The following PCDHA1 variants were observed in gnomAD, a reference collection of about 807,000 sequenced individuals.
PCDHA1 encodes protocadherin alpha 1.
In PCDHA1, 42 loss-of-function variants were observed where a neutral mutation model predicts 61.3. The ratio of observed to expected loss-of-function variants is 0.69; its 90% CI spans 0.54 to 0.89. The LOEUF (loss-of-function observed/expected upper bound fraction) is 0.89, where lower values mean the gene tolerates loss of function less well. Ranked by LOEUF, PCDHA1 falls within the 40% of genes least tolerant of loss-of-function variation. The pLI is 0.00. For missense variants in PCDHA1, 1,256 were observed against 1,235.3 expected (o/e 1.02, Z -0.25); for synonymous variants, 610 against 553.8 (o/e 1.10, Z -1.43).
intron 1 of PCDHA1, among the ~76,000 whole-genome samples, chr5:140,952,097 G>A (rs1385693579): frequency 1.3e-5 from 2 of 152,066 alleles, no homozygotes; most frequent in East Asian, 3.9e-4. Context: ...CACATCCAGG[G>A]CACACTCGTG....
At position 141,011,939 on chromosome 5, in the gene PCDHA1, A is replaced by T. The variant is rs955936849; in HGVS notation, c.*2002A>T. 5 of 153,690 alleles carry T rather than the reference A, an allele frequency of 3.3e-5. No individual in the cohort carries two copies. The highest frequency in any genetic ancestry group is 1.2e-4 in the African/African-American group (5 of 41,448). The allele number at this position is 153,690 out of a possible 1,614,324, so 9.5% of individuals were successfully genotyped here. A position where few individuals can be genotyped will look rare whatever the true frequency, so the allele number is the denominator to read the frequency against. On this transcript the variant is annotated 3_prime_UTR_variant, in exon 4 of 4. Coordinates refer to ENST00000504120, the MANE Select transcript of PCDHA1 (RefSeq NM_018900.4). ...TAAAAGAGGTAGGAGTCTGTTATTT[A>T]AAAAAAGCATTAAATTTAAAAAAAA...
At chr5:140,927,204 G>C (rs1554204171) in intron 1 of PCDHA1, 1 of 1,614,112 alleles carries the variant, frequency 6.2e-7, no homozygotes, top group Middle Eastern at 1.6e-4. Flanking sequence ...TCGAGGACCC[G>C]CTGGAGCTGC....
intron 1 of PCDHA1, chr5:140,808,736 G>A (rs1291582762): frequency 6.2e-7 from 1 of 1,612,074 alleles, no homozygotes; most frequent in Non-Finnish European, 8.5e-7. Flanking sequence ...GAGCGGCAAG[G>A]TGTACGCGCT....
At chr5:140,873,801 C>G (rs2054500183) in intron 1 of PCDHA1, among the ~76,000 whole-genome samples, 1 of 152,180 alleles carries the variant, frequency 6.6e-6, no homozygotes, top group Non-Finnish European at 1.5e-5. Flanking sequence ...GCTGGGACTA[C>G]AGGCATGCAC....
At chr5:140,815,379 C>T (rs2126663847) in intron 1 of PCDHA1, 4 of 152,020 alleles carry the variant, frequency 2.6e-5, no homozygotes, top group Admixed American at 2.6e-4. Context: ...TTTGTGGTTA[C>T]CATGGGGCTT....
At chr5:140,985,487 A>C (rs1554247112) in intron 3 of PCDHA1, among the ~76,000 whole-genome samples, 1 of 152,162 alleles carries the variant, frequency 6.6e-6, no homozygotes, top group Non-Finnish European at 1.5e-5. Context: ...TCCAGACTCA[A>C]ATAGAGCCTG....
chr5:140,953,295 C>T (rs74485628), intron 1 of PCDHA1, among the ~76,000 whole-genome samples: 3,568 of 152,144 alleles, frequency 0.023, 49 homozygotes, highest in Middle Eastern at 0.034. Flanking sequence ...GATTCAGGGA[C>T]GGCAGAGATG....
At chr5:140,824,170 T>C in intron 1 of PCDHA1, 1 of 1,610,876 alleles carries the variant, frequency 6.2e-7, no homozygotes. Flanking sequence ...CTCCCAATTT[T>C]CAAATATTAA....
In PCDHA1 at chr5:140,884,757, TCTTTA is replaced by T. The variant is rs1486319174; in HGVS notation, c.2395-94186_2395-94182del. On this transcript the variant is annotated intron_variant, in intron 1 of 3. Transcript: ENST00000504120. ...ATCTTTCCTGCCAATTTCAAATTATTCTTTACTTTAATTTTAATTTTGCTAGTTGT... is the reference window on the plus strand; with the variant it reads ...ATCTTTCCTGCCAATTTCAAATTATTCTTTAATTTTAATTTTGCTAGTTGT... The T allele has an allele frequency of 5.5e-5, 78 of 1,427,314 alleles. 1 individual carries two copies. The highest frequency in any genetic ancestry group is 1.3e-4 in the South Asian group (8 of 61,704). The allele number at this position is 1,427,314 out of a possible 1,614,324, so 88.4% of individuals were successfully genotyped here. A position where few individuals can be genotyped will look rare whatever the true frequency, so the allele number is the denominator to read the frequency against.
At position 140,933,888 on chromosome 5, in the gene PCDHA1, T is replaced by C. The variant is rs148048721; in HGVS notation, c.2395-45061T>C. On this transcript the variant is annotated intron_variant, in intron 1 of 3. Transcript: ENST00000504120. ...ATATATGTTAGTTTTATCTGTACTTTTGAATATTTTGGCATAAAGTTGTTT... is the reference window on the plus strand; with the variant it reads ...ATATATGTTAGTTTTATCTGTACTTCTGAATATTTTGGCATAAAGTTGTTT... Among the ~76,000 whole-genome samples the C allele has an allele frequency of 7.7e-3, 1,170 of 152,222 alleles. 4 individuals are homozygous for C. Among genetic ancestry groups the C allele is most frequent in the Admixed American group, 0.013 (200 of 15,288 alleles).
intron 1 of PCDHA1, among the ~76,000 whole-genome samples, chr5:140,900,662 G>C (rs2068213556): frequency 6.6e-6 from 1 of 152,190 alleles, no homozygotes; most frequent in South Asian, 2.1e-4. Flanking sequence ...ATGAACAATG[G>C]GAGTGCAGTT....
chr5:140,794,231 T>G (rs1009547529), intron 1 of PCDHA1, among the ~76,000 whole-genome samples: 1 of 152,194 alleles, frequency 6.6e-6, no homozygotes, highest in African/African-American at 2.4e-5. Context: ...GGATGAACCT[T>G]GAGGAACCAT....
At chr5:140,808,886 G>A (rs1554124867) in intron 1 of PCDHA1, 1 of 1,613,208 alleles carries the variant, frequency 6.2e-7, no homozygotes, top group Non-Finnish European at 8.5e-7. Context: ...AGCACTGCTA[G>A]CGCCTCGGGC....
intron 1 of PCDHA1, chr5:140,836,141 C>G (rs2150253789): frequency 3.1e-6 from 5 of 1,613,766 alleles, no homozygotes; most frequent in Non-Finnish European, 4.2e-6. Flanking sequence ...GGTCTGTGGG[C>G]GCGGGCCATG....
chr5:140,918,456 T>A (rs782254836), intron 1 of PCDHA1, among the ~76,000 whole-genome samples: 9 of 152,316 alleles, frequency 5.9e-5, no homozygotes, highest in South Asian at 4.1e-4. Flanking sequence ...GTGGGCATCC[T>A]TGTCTTATTC....
At chr5:140,851,730 T>G in intron 1 of PCDHA1, 1 of 971,134 alleles carries the variant, frequency 1.0e-6, no homozygotes, top group Non-Finnish European at 1.2e-6. Context: ...TTCGAGTTCT[T>G]TTGAAATTCA....
intron 1 of PCDHA1, chr5:140,843,178 C>T (rs1188166294): frequency 6.3e-7 from 1 of 1,595,986 alleles, no homozygotes; most frequent in Non-Finnish European, 8.6e-7. Context: ...GCAGCCCTCG[C>T]ATCCCGTTCC....
chr5:140,819,984 T>C (rs1766665390), intron 1 of PCDHA1, among the ~76,000 whole-genome samples: 2 of 152,046 alleles, frequency 1.3e-5, no homozygotes. Flanking sequence ...TCTTTGTGTA[T>C]TTTGTATAAA....
At chr5:140,801,919 CG>C in intron 1 of PCDHA1, 1 of 1,614,142 alleles carries the variant, frequency 6.2e-7, no homozygotes, top group Non-Finnish European at 8.5e-7. Flanking sequence ...AACGCCCCAG[CG>C]TTTGAGAGGA....
Sources: allele counts gnomAD v4.1 joint callset (sites outside exome capture counted in the v4.1 genomes callset), GRCh38; gene constraint gnomAD v4.1.1; transcripts MANE v1.5; gene names NCBI Gene and HGNC (gene_info 2026-07-23, HGNC 2026-07-21).